The following SLC6A20 variants were observed in gnomAD, a reference collection of about 807,000 sequenced individuals.
SLC6A20 encodes the protein solute carrier family 6 member 20.
A neutral mutation model predicts 64.3 loss-of-function variants in SLC6A20; 73 were observed. The ratio of observed to expected loss-of-function variants is 1.14; its 90% CI spans 0.94 to 1.38. The LOEUF (loss-of-function observed/expected upper bound fraction) is 1.38, where lower values mean the gene tolerates loss of function less well. Among genes scored for constraint, SLC6A20 ranks in the 40% most tolerant of loss-of-function variants. The probability of loss-of-function intolerance (pLI) is 0.00; values close to 1 mark genes in which losing one functional copy is unlikely to be tolerated. For missense variants in SLC6A20, 725 were observed against 772.8 expected (o/e 0.94, Z 0.73); for synonymous variants, 347 against 329.6 (o/e 1.05, Z -0.57).
chr3:45,759,197 C>A, intron 10 of SLC6A20, 70 bp from the exon 11 acceptor site: 1 of 1,469,932 alleles, frequency 6.8e-7, no homozygotes, highest in South Asian at 1.4e-5. Context: ...AGGGCCCATC[C>A]GTGATGGGGA....
chr3:45,775,617 C>T (rs893422776), intron 4 of SLC6A20, 144 bp downstream of exon 4: 2 of 717,352 alleles, frequency 2.8e-6, no homozygotes, highest in South Asian at 3.7e-5. Flanking sequence ...ACCATCTGTG[C>T]CCTCTGCCCT....
rs1310991636 is a variant in SLC6A20 at position 45,759,865 on chromosome 3, C to T, written c.1621G>A (p.Ala541Thr). The T allele has an allele frequency of 6.2e-6, 10 of 1,612,548 alleles. No individual in the cohort carries two copies. Among genetic ancestry groups the T allele is most frequent in the East Asian group, 2.2e-5 (1 of 44,886 alleles). ...TGTLKYQAWD[A>T]SQGQLVTKDY... ...ACGGAGACAGTAGATACCTGGGAGG[C>T]GTCCCAGGCTTGATACTTCAGGGTC... Residue 541 changes from alanine (A) to threonine (T), a missense_variant, in exon 10 of 11, where the codon GCC becomes ACC. Ala to Thr is a moderately conservative substitution (Grantham distance 58). Coordinates refer to ENST00000358525, the MANE Select transcript of SLC6A20 (RefSeq NM_020208.4).
chr3:45,782,038 TGC>T (rs1426956747), intron 2 of SLC6A20, 43 bp downstream of exon 2: 1 of 1,540,168 alleles, frequency 6.5e-7, no homozygotes, highest in East Asian at 2.3e-5. Context: ...ACCCCCATGC[TGC>T]CCGGGTCTCT....
intron 1 of SLC6A20, among the ~76,000 whole-genome samples, chr3:45,789,692 T>A (rs1371608345): frequency 6.6e-6 from 1 of 152,390 alleles, no homozygotes; most frequent in African/African-American, 2.4e-5. Context: ...CTCTGGGTGG[T>A]GGAATTTCTG....
chr3:45,766,063 C>A (rs1699771345), intron 7 of SLC6A20, among the ~76,000 whole-genome samples: 1 of 152,162 alleles, frequency 6.6e-6, no homozygotes, highest in Non-Finnish European at 1.5e-5. Flanking sequence ...AATGTGATGA[C>A]CGACTAGGTG....
At chr3:45,793,772 A>AC (rs1700297207) in intron 1 of SLC6A20, among the ~76,000 whole-genome samples, 1 of 151,948 alleles carries the variant, frequency 6.6e-6, no homozygotes, top group Admixed American at 6.6e-5. Context: ...GAAGTTATAC[A>AC]CCCCTCTGCA....
chr3:45,785,885 CA>C (rs1262424958), intron 1 of SLC6A20, among the ~76,000 whole-genome samples: 2 of 152,158 alleles, frequency 1.3e-5, no homozygotes, highest in Admixed American at 1.3e-4. Context: ...CTTGCAGCTT[CA>C]CCTTCCTTCT....
chr3:45,793,341 C>A (rs555906476), intron 1 of SLC6A20, among the ~76,000 whole-genome samples: 3 of 152,322 alleles, frequency 2.0e-5, no homozygotes, highest in Admixed American at 6.5e-5. Context: ...ATAGTTAGTG[C>A]AGTATTTGCT....
In SLC6A20 at chr3:45,755,459, C is replaced by T. The variant is rs2251109; in HGVS notation, c.*3519G>A. The stretch of plus-strand genomic sequence containing the variant: ...CCCAAAACCAAAAACTGTAGATACA[C>T]TTGCTTAGAGTTTTATTTACTATGA... On this transcript the variant is annotated 3_prime_UTR_variant, in exon 11 of 11. Coordinates refer to ENST00000358525, the MANE Select transcript of SLC6A20 (RefSeq NM_020208.4). 52,989 of 152,136 alleles carry T rather than the reference C, an allele frequency of 0.35. 11,036 individuals carry two copies. Among genetic ancestry groups the T allele is most frequent in the Non-Finnish European group, 0.47 (31,689 of 67,972 alleles). 9.4% of individuals were successfully genotyped at this position (152,136 alleles called of 1,614,324 possible). A position where few individuals can be genotyped will look rare whatever the true frequency, so the allele number is the denominator to read the frequency against.
chr3:45,790,579 T>C (rs1211073927), intron 1 of SLC6A20: 1 of 152,266 alleles, frequency 6.6e-6, no homozygotes, highest in East Asian at 1.9e-4. Flanking sequence ...GTCTTTACTC[T>C]TCCTGACTGT....
chr3:45,787,823 G>A (rs1471438863), intron 1 of SLC6A20, among the ~76,000 whole-genome samples: 1 of 152,238 alleles, frequency 6.6e-6, no homozygotes, highest in African/African-American at 2.4e-5. Flanking sequence ...ACCTGGCACA[G>A]AGTAGGTGCT....
At chr3:45,761,759 T>A (rs774276026) in intron 9 of SLC6A20, among the ~76,000 whole-genome samples, 3 of 152,196 alleles carry the variant, frequency 2.0e-5, no homozygotes, top group Non-Finnish European at 4.4e-5. Context: ...CTGGAAATGC[T>A]GCAATTCTAA....
intron 3 of SLC6A20, among the ~76,000 whole-genome samples, chr3:45,778,968 G>A (rs1044839278): frequency 6.6e-6 from 1 of 152,216 alleles, no homozygotes; most frequent in Non-Finnish European, 1.5e-5. Context: ...CCAGAGTGGG[G>A]TATGCCAAAT....
At chr3:45,763,471 G>A (rs1189643296) in intron 8 of SLC6A20, among the ~76,000 whole-genome samples, 5 of 152,148 alleles carry the variant, frequency 3.3e-5, no homozygotes, top group Admixed American at 2.6e-4. Flanking sequence ...ATGAATCAGG[G>A]GAGGAGGCTT....
intron 1 of SLC6A20, among the ~76,000 whole-genome samples, chr3:45,791,081 T>C (rs1182352494): frequency 6.6e-6 from 1 of 152,200 alleles, no homozygotes; most frequent in Non-Finnish European, 1.5e-5. Flanking sequence ...CCTTCTTGAG[T>C]TATTTCAGCG....
At chr3:45,779,923 C>T in intron 3 of SLC6A20, 86 bp downstream of exon 3, 2 of 1,433,738 alleles carry the variant, frequency 1.4e-6, no homozygotes, top group East Asian at 2.5e-5. Context: ...CACCTTGCCC[C>T]ACACCCCCTT....
chr3:45,780,973 C>T (rs1007479917), intron 2 of SLC6A20, among the ~76,000 whole-genome samples: 1 of 152,170 alleles, frequency 6.6e-6, no homozygotes, highest in Non-Finnish European at 1.5e-5. Context: ...CTGAGAAGTC[C>T]TCTGTGATTG....
Position 45,796,458 on chromosome 3 carries a change from C to T in SLC6A20, c.-39G>A, listed in dbSNP as rs1164280882. 1 of 1,593,560 alleles carries T rather than the reference C, an allele frequency of 6.3e-7. No homozygotes were observed. Among genetic ancestry groups the T allele is most frequent in the South Asian group, 1.1e-5 (1 of 89,226 alleles). The stretch of plus-strand genomic sequence containing the variant: ...GCGCGCTCGGCTCCGGCTCGGGGGT[C>T]CGGCACGGCAGTCTCAGTGCGCGGT... On this transcript the variant is annotated 5_prime_UTR_variant, in exon 1 of 11. Coordinates refer to ENST00000358525, the MANE Select transcript of SLC6A20 (RefSeq NM_020208.4).
intron 1 of SLC6A20, among the ~76,000 whole-genome samples, chr3:45,795,341 T>G (rs938916182): frequency 4.8e-5 from 7 of 146,468 alleles, no homozygotes; most frequent in Admixed American, 3.4e-4. Flanking sequence ...ATTTTTTTTT[T>G]GAAAATGCCG....
Sources: allele counts gnomAD v4.1 joint callset (sites outside exome capture counted in the v4.1 genomes callset), GRCh38; gene constraint gnomAD v4.1.1; transcripts MANE v1.5; gene names NCBI Gene and HGNC (gene_info 2026-07-23, HGNC 2026-07-21).